Variants in PABPC4L observed in about 807,000 individuals in gnomAD.
The protein encoded by PABPC4L is polyadenylate-binding protein 4-like.
For missense variants in PABPC4L, 452 were observed against 451.4 expected, an observed-to-expected ratio of 1.00 and a Z score of -0.01; for synonymous variants, 169 against 164.1, an observed-to-expected ratio of 1.03 and a Z score of -0.23.
At chr4:134,032,289 A>T in the PABPC4L span, among the ~76,000 whole-genome samples, 1 of 151,886 alleles carries the variant, frequency 6.6e-6, no homozygotes, top group Non-Finnish European at 1.5e-5. Context: ...GGTTTAATTT[A>T]GTTATAGTAT....
chr4:133,963,182 G>A, the PABPC4L span, among the ~76,000 whole-genome samples: 2 of 152,002 alleles, frequency 1.3e-5, no homozygotes, highest in African/African-American at 4.8e-5. Context: ...AATTGAGCAG[G>A]GGTAGCTATT....
chr4:134,153,359 A>G, the PABPC4L span, among the ~76,000 whole-genome samples: 14 of 150,974 alleles, frequency 9.3e-5, no homozygotes, highest in South Asian at 2.1e-4. Flanking sequence ...GTATGTGTGT[A>G]TATATATATA....
At chr4:133,948,589 T>G in the PABPC4L span, among the ~76,000 whole-genome samples, 2 of 152,234 alleles carry the variant, frequency 1.3e-5, no homozygotes, top group African/African-American at 4.8e-5. Context: ...CTTTAGGGTC[T>G]GATCTTTGCA....
At chr4:134,168,632 T>C in the PABPC4L span, among the ~76,000 whole-genome samples, 2 of 151,900 alleles carry the variant, frequency 1.3e-5, no homozygotes, top group Non-Finnish European at 2.9e-5. Context: ...TAAAAACTAT[T>C]ATGAGCAACT....
the PABPC4L span, among the ~76,000 whole-genome samples, chr4:133,979,564 C>A: frequency 6.6e-6 from 1 of 152,110 alleles, no homozygotes; most frequent in South Asian, 2.1e-4. Context: ...CCTGGGCTTT[C>A]CGTATTAGTT....
the PABPC4L span, among the ~76,000 whole-genome samples, chr4:134,131,385 T>G: frequency 6.6e-6 from 1 of 151,964 alleles, no homozygotes; most frequent in African/African-American, 2.4e-5. Context: ...TTAGTAGCCC[T>G]ACTATAAAGC....
At chr4:134,010,058 T>C in the PABPC4L span, among the ~76,000 whole-genome samples, 1 of 152,196 alleles carries the variant, frequency 6.6e-6, no homozygotes, top group Non-Finnish European at 1.5e-5. Flanking sequence ...TGAGTTACTT[T>C]AATCACTCTG....
At chr4:133,973,826 G>A in the PABPC4L span, among the ~76,000 whole-genome samples, 2 of 152,172 alleles carry the variant, frequency 1.3e-5, no homozygotes, top group African/African-American at 4.8e-5. Context: ...AGCCCCACCT[G>A]TTGGGACTAG....
the PABPC4L span, among the ~76,000 whole-genome samples, chr4:134,104,836 A>G: frequency 6.6e-6 from 1 of 151,796 alleles, no homozygotes; most frequent in Non-Finnish European, 1.5e-5. Flanking sequence ...TACCTACTGC[A>G]CAATTATCTA....
chr4:133,978,979 G>T, the PABPC4L span: 1 of 152,140 alleles, frequency 6.6e-6, no homozygotes, highest in African/African-American at 2.4e-5. Flanking sequence ...TTGAAAAGAC[G>T]CAATTATAGT....
chr4:134,007,476 G>T, the PABPC4L span, among the ~76,000 whole-genome samples: 71 of 151,682 alleles, frequency 4.7e-4, no homozygotes, highest in African/African-American at 1.5e-3. Context: ...TGGGCTAAAT[G>T]CTTTACATAT....
chr4:134,147,073 C>A, the PABPC4L span, among the ~76,000 whole-genome samples: 1 of 152,078 alleles, frequency 6.6e-6, no homozygotes, highest in Non-Finnish European at 1.5e-5. Context: ...ACAAGGAAAG[C>A]ATTATCATAA....
the PABPC4L span, among the ~76,000 whole-genome samples, chr4:133,977,107 G>A: frequency 6.6e-6 from 1 of 152,050 alleles, no homozygotes; most frequent in Non-Finnish European, 1.5e-5. Flanking sequence ...ATAAGAAAGT[G>A]GTCCAGGTTT....
At chr4:134,083,720 T>C in the PABPC4L span, among the ~76,000 whole-genome samples, 1 of 152,202 alleles carries the variant, frequency 6.6e-6, no homozygotes, top group Admixed American at 6.5e-5. Flanking sequence ...CTGTTCTAAA[T>C]TTATCAATAA....
At chr4:134,018,197 C>T in the PABPC4L span, among the ~76,000 whole-genome samples, 48 of 152,138 alleles carry the variant, frequency 3.2e-4, no homozygotes, top group African/African-American at 8.2e-4. Flanking sequence ...CACTCCTGCC[C>T]GCCAGAGAAC....
At chr4:134,154,237 C>T in the PABPC4L span, among the ~76,000 whole-genome samples, 1 of 152,092 alleles carries the variant, frequency 6.6e-6, no homozygotes, top group Admixed American at 6.6e-5. Flanking sequence ...AGGCAGACTG[C>T]CTGAGCTCAG....
the PABPC4L span, among the ~76,000 whole-genome samples, chr4:134,188,680 T>C: frequency 6.6e-6 from 1 of 152,188 alleles, no homozygotes; most frequent in East Asian, 1.9e-4. Flanking sequence ...AGAACTCAGT[T>C]ACTCATCTAT....
chr4:134,188,817 C>A, the PABPC4L span, among the ~76,000 whole-genome samples: 21 of 151,900 alleles, frequency 1.4e-4, no homozygotes, highest in Admixed American at 3.3e-4. Flanking sequence ...TCAGTGCTCT[C>A]GGAGCTTCCA....
chr4:134,156,890 C>T, the PABPC4L span, among the ~76,000 whole-genome samples: 1 of 151,902 alleles, frequency 6.6e-6, no homozygotes, highest in African/African-American at 2.4e-5. Context: ...CTCTGGTCCA[C>T]TAATGTAAAA....
Sources: allele counts gnomAD v4.1 joint callset (sites outside exome capture counted in the v4.1 genomes callset), GRCh38; gene constraint gnomAD v4.1.1; transcripts MANE v1.5; gene names NCBI Gene and HGNC (gene_info 2026-07-23, HGNC 2026-07-21).